The following FOXRED1 variants were observed in gnomAD, a reference collection of about 807,000 sequenced individuals.
The protein encoded by FOXRED1 is FAD dependent oxidoreductase domain containing 1.
FOXRED1 carries 52 observed loss-of-function variants against 57.8 expected under a neutral mutation model. The observed-to-expected ratio is 0.90, with a 90% CI of 0.72 to 1.13. FOXRED1 has a LOEUF of 1.13. Among genes scored for constraint, FOXRED1 ranks in the 50% most tolerant of loss-of-function variants. FOXRED1 has a pLI of 0.00. For missense variants in FOXRED1, 589 were observed against 625.2 expected (o/e 0.94, Z 0.62); for synonymous variants, 271 against 248.3 (o/e 1.09, Z -0.86).
rs1327792326 is a variant in FOXRED1, at chr11:126,276,430, C to A, written c.1008C>A (p.Gly336=). Residue 336 remains glycine (G), a synonymous_variant, in exon 9 of 11, where the codon GGC becomes GGA. Transcript: ENST00000263578. ...VYVWHCPQGP[G]LETPLVADTS... ...TGTGGCACTGCCCCCAGGGACCAGG[C>A]CTAGAGACTCCGCTTGTTGCAGACA... 1 of 1,535,362 alleles carries A rather than the reference C, an allele frequency of 6.5e-7. No homozygotes were observed. Among genetic ancestry groups the A allele is most frequent in the South Asian group, 1.1e-5 (1 of 89,456 alleles).
rs1951020184 is a variant in FOXRED1 at position 126,272,597 on chromosome 11, T to C, written c.307-372T>C. On this transcript the variant is annotated intron_variant, in intron 2 of 10. Transcript: ENST00000263578. The surrounding 1 kb of genome is among the most constrained non-coding windows in gnomAD (Gnocchi z 4.6). The stretch of plus-strand genomic sequence containing the variant: ...ATGAGCCACCCACCCGGCTGGTTTT[T>C]ACACTTTAGGTGTTCCTGTTTGCAT... 7 of 328,152 alleles carry C rather than the reference T, an allele frequency of 2.1e-5. No individual in the cohort carries two copies. Among genetic ancestry groups the C allele is most frequent in the South Asian group, 1.7e-4 (6 of 36,050 alleles). 20.3% of individuals were successfully genotyped at this position (328,152 alleles called of 1,614,324 possible). A position where few individuals can be genotyped will look rare whatever the true frequency, so the allele number is the denominator to read the frequency against.
chr11:126,272,909 G>A lies in FOXRED1; in HGVS notation c.307-60G>A. 1 of 858,506 alleles carries A rather than the reference G, an allele frequency of 1.2e-6. No individual in the cohort carries two copies. Among genetic ancestry groups the A allele is most frequent in the Non-Finnish European group, 2.0e-6 (1 of 489,452 alleles). 53.2% of individuals were successfully genotyped at this position (858,506 alleles called of 1,614,324 possible). A position where few individuals can be genotyped will look rare whatever the true frequency, so the allele number is the denominator to read the frequency against. On this transcript the variant is annotated intron_variant, in intron 2 of 10. Coordinates refer to ENST00000263578, the MANE Select transcript of FOXRED1 (RefSeq NM_017547.4). The surrounding 1 kb of genome is among the most constrained non-coding windows in gnomAD (Gnocchi z 4.6). ...TGTATAGCTCGAAGCTTTCATTGCA[G>A]TATTCTAGTCACATGTGATAGGGTA... is the stretch of plus-strand genomic sequence containing the variant.
intron 8 of FOXRED1, 85 bp downstream of exon 8, chr11:126,276,304 T>TATGTG: frequency 2.3e-4 from 1 of 4,314 alleles, no homozygotes; most frequent in African/African-American, 6.5e-3. Flanking sequence ...TGTGTGTGTG[T>TATGTG]GTGTGTGTGT....
Position 126,272,937 on chromosome 11 carries a change from G to C in FOXRED1, c.307-32G>C, listed in dbSNP as rs753941444. 1 of 1,031,664 alleles carries C rather than the reference G, an allele frequency of 9.7e-7. No homozygotes were observed. The highest frequency in any genetic ancestry group is 1.6e-5 in the African/African-American group (1 of 64,118). The allele number at this position is 1,031,664 out of a possible 1,614,324, so 63.9% of individuals were successfully genotyped here. A position where few individuals can be genotyped will look rare whatever the true frequency, so the allele number is the denominator to read the frequency against. On this transcript the variant is annotated intron_variant, in intron 2 of 10. Transcript: ENST00000263578. This position sits in a 1 kb window ranked among gnomAD's most constrained non-coding sequence, Gnocchi z 4.6. ...TTCTAGTCACATGTGATAGGGTACT[G>C]GTCTACCTCAACTTTTCTTGTCTTT...
At position 126,273,588 on chromosome 11, in the gene FOXRED1, G is replaced by T. The variant is rs1410782047; in HGVS notation, c.536+134G>T. The stretch of plus-strand genomic sequence containing the variant: ...GTCTAGGACCTCAGTGTGTCAGGAA[G>T]AAAATACACAGACCTGCAATGCCCT... On this transcript the variant is annotated intron_variant, in intron 4 of 10. Transcript: ENST00000263578. The surrounding 1 kb of genome is among the most constrained non-coding windows in gnomAD (Gnocchi z 5.9). 4.1e-6 allele frequency: 3 copies of T among 724,670 alleles called. No homozygotes were observed. Among genetic ancestry groups the T allele is most frequent in the Non-Finnish European group, 7.6e-6 (3 of 396,298 alleles). The allele number at this position is 724,670 out of a possible 1,614,324, so 44.9% of individuals were successfully genotyped here.
chr11:126,273,724 G>C lies in FOXRED1; in HGVS notation c.536+270G>C. The C allele has an allele frequency of 2.1e-6, 1 of 474,690 alleles. No homozygotes were observed. The highest frequency in any genetic ancestry group is 2.1e-5 in the South Asian group (1 of 46,810). The allele number at this position is 474,690 out of a possible 1,614,324, so 29.4% of individuals were successfully genotyped here. ...CAGACCTAATAAACCAGAATCTCTA[G>C]GGAAGGAGCCCACAAATCTGGGTTT... On this transcript the variant is annotated intron_variant, in intron 4 of 10. Transcript: ENST00000263578. The surrounding 1 kb of genome is among the most constrained non-coding windows in gnomAD (Gnocchi z 5.9).
chr11:126,269,270 C>T lies in FOXRED1; in HGVS notation c.64C>T (p.Arg22Cys). 1 of 1,614,168 alleles carries T rather than the reference C, an allele frequency of 6.2e-7. No homozygotes were observed. Among genetic ancestry groups the T allele is most frequent in the Non-Finnish European group, 8.5e-7 (1 of 1,180,010 alleles). ...CCTCTTGACCCGGAGGCCAGGCACGCGCAGAGGAGGCTTTTCTCTGGGTAA... is the reference window on the plus strand; with the variant it reads ...CCTCTTGACCCGGAGGCCAGGCACGTGCAGAGGAGGCTTTTCTCTGGGTAA... ...RGLLTRRPGT[R>C]RGGFSLDWDG... The change falls in exon 1 of 11, where the codon CGC becomes TGC. Residue 22 changes from arginine (R) to cysteine (C), a missense_variant. Physicochemically the swap from Arg to Cys is radical, Grantham distance 180. Coordinates refer to ENST00000263578, the MANE Select transcript of FOXRED1 (RefSeq NM_017547.4).
rs1312828374 is a variant in FOXRED1 at position 126,272,693 on chromosome 11, C to G, written c.307-276C>G. 2 of 540,692 alleles carry G rather than the reference C, an allele frequency of 3.7e-6. No individual in the cohort carries two copies. Among genetic ancestry groups the G allele is most frequent in the Non-Finnish European group, 6.7e-6 (2 of 299,926 alleles). 33.5% of individuals were successfully genotyped at this position (540,692 alleles called of 1,614,324 possible). ...TTCATTTCCCAAATGGTAGGTCAAA[C>G]GTTAATCGCCTGCCCTTGGACTTCC... On this transcript the variant is annotated intron_variant, in intron 2 of 10. Transcript: ENST00000263578. This position sits in a 1 kb window ranked among gnomAD's most constrained non-coding sequence, Gnocchi z 4.6.
Position 126,277,081 on chromosome 11 carries a change from C to T in FOXRED1, c.1112C>T (p.Pro371Leu), listed in dbSNP as rs773871022. The T allele has an allele frequency of 5.9e-5, 95 of 1,611,094 alleles. No individual in the cohort carries two copies. Among genetic ancestry groups the T allele is most frequent in the East Asian group, 1.3e-4 (6 of 44,866 alleles). ...GGRSPTEQEE[P>L]DPANLEVDHD... ...CACCTCTCACTCCAGCAGGAAGAAC[C>T]GGACCCGGCGAACCTGGAAGTGGAC... is the stretch of plus-strand genomic sequence containing the variant. The change falls in exon 10 of 11, where the codon CCG (proline) becomes CTG (leucine). Residue 371 changes from proline (P) to leucine (L), a missense_variant. Physicochemically the swap from Pro to Leu is moderately conservative, Grantham distance 98. Coordinates refer to ENST00000263578, the MANE Select transcript of FOXRED1 (RefSeq NM_017547.4). This position sits in a 1 kb window ranked among gnomAD's most constrained non-coding sequence, Gnocchi z 6.8.
intron 1 of FOXRED1, 119 bp downstream of exon 1, chr11:126,269,410 A>C (rs1591543120): frequency 6.3e-7 from 1 of 1,579,748 alleles, no homozygotes; most frequent in African/African-American, 1.3e-5. Context: ...CGGCTTGGGG[A>C]AGGGGGTTAG....
At position 126,271,835 on chromosome 11, in the gene FOXRED1, A is replaced by G. The variant is rs572803188; in HGVS notation, c.306+178A>G. On this transcript the variant is annotated intron_variant, in intron 2 of 10. Transcript: ENST00000263578. The surrounding 1 kb of genome is among the most constrained non-coding windows in gnomAD (Gnocchi z 5.3). ...TTTTCCTAGGATCTTCCTCAGTCGA[A>G]CCAGGAAGCTTGGCAATAAGGTTTG... 34 of 642,502 alleles carry G rather than the reference A, an allele frequency of 5.3e-5. No homozygotes were observed. The highest frequency in any genetic ancestry group is 8.4e-5 in the Non-Finnish European group (30 of 355,194). 39.8% of individuals were successfully genotyped at this position (642,502 alleles called of 1,614,324 possible). A position where few individuals can be genotyped will look rare whatever the true frequency, so the allele number is the denominator to read the frequency against.
chr11:126,273,599 G>C lies in FOXRED1; in HGVS notation c.536+145G>C, dbSNP rs1051244681. ...CAGTGTGTCAGGAAGAAAATACACA[G>C]ACCTGCAATGCCCTGGGAGTGCTGT... On this transcript the variant is annotated intron_variant, in intron 4 of 10. Coordinates refer to ENST00000263578, the MANE Select transcript of FOXRED1 (RefSeq NM_017547.4). This position sits in a 1 kb window ranked among gnomAD's most constrained non-coding sequence, Gnocchi z 5.9. 1.4e-6 allele frequency: 1 copy of C among 703,834 alleles called. No individual in the cohort carries two copies. The highest frequency in any genetic ancestry group is 2.6e-6 in the Non-Finnish European group (1 of 383,840). The allele number at this position is 703,834 out of a possible 1,614,324, so 43.6% of individuals were successfully genotyped here. A position where few individuals can be genotyped will look rare whatever the true frequency, so the allele number is the denominator to read the frequency against.
At chr11:126,270,097 T>C (rs189615600) in intron 1 of FOXRED1, among the ~76,000 whole-genome samples, 2 of 151,976 alleles carry the variant, frequency 1.3e-5, no homozygotes, top group Non-Finnish European at 2.9e-5. Context: ...GAGATCAGCC[T>C]TGGAGGATGT....
rs1026895258 is a variant in FOXRED1, at chr11:126,272,656, C to G, written c.307-313C>G. On this transcript the variant is annotated intron_variant, in intron 2 of 10. Coordinates refer to ENST00000263578, the MANE Select transcript of FOXRED1 (RefSeq NM_017547.4). This position sits in a 1 kb window ranked among gnomAD's most constrained non-coding sequence, Gnocchi z 4.6. Reference sequence around the variant, plus strand: ...AGCCACGAGTCTTGCTACTTTACTTCAATCATAACCTTTCATTTCCCAAAT... The same window carrying G: ...AGCCACGAGTCTTGCTACTTTACTTGAATCATAACCTTTCATTTCCCAAAT... 2.2e-6 allele frequency: 1 copy of G among 445,260 alleles called. No individual in the cohort carries two copies. Among genetic ancestry groups the G allele is most frequent in the South Asian group, 2.2e-5 (1 of 45,652 alleles). 27.6% of individuals were successfully genotyped at this position (445,260 alleles called of 1,614,324 possible).
rs148346044 is a variant in FOXRED1 at position 126,271,475 on chromosome 11, A to C, written c.124A>C (p.Lys42Gln). Reference protein sequence around the residue: ...GKVSEIKKKIKSILPGRSCDL... With the variant: ...GKVSEIKKKIQSILPGRSCDL... ...GGTGTCTGAGATTAAGAAGAAGATC[A>C]AGTCGATCCTGCCTGGAAGGTCCTG... Residue 42 changes from lysine (K) to glutamine (Q), a missense_variant, in exon 2 of 11, where the codon AAG becomes CAG. Lys to Gln is a moderately conservative substitution (Grantham distance 53, BLOSUM62 1). Transcript: ENST00000263578. This position sits in a 1 kb window ranked among gnomAD's most constrained non-coding sequence, Gnocchi z 5.3. 6,789 of 1,614,136 alleles carry C rather than the reference A, an allele frequency of 4.2e-3. 22 individuals are homozygous for C. The highest frequency in any genetic ancestry group is 5.2e-3 in the Non-Finnish European group (6,169 of 1,179,946).
Position 126,275,840 on chromosome 11 carries a change from G to A in FOXRED1, c.780G>A (p.Ala260=), listed in dbSNP as rs779592935. 1.8e-5 allele frequency: 29 copies of A among 1,612,626 alleles called. No individual in the cohort carries two copies. The highest frequency in any genetic ancestry group is 4.5e-5 in the East Asian group (2 of 44,894). The change falls in exon 7 of 11, where the codon GCG becomes GCA. Residue 260 remains alanine (A), a synonymous_variant. Coordinates refer to ENST00000263578, the MANE Select transcript of FOXRED1 (RefSeq NM_017547.4). This position sits in a 1 kb window ranked among gnomAD's most constrained non-coding sequence, Gnocchi z 5.9. ...SQRMLTTDDK[A]VVLKRIHEVH... ...GCATGTTGACCACAGATGACAAAGC[G>A]GTGGTCTTGAAAAGGATCCATGAAG...
Position 126,275,132 on chromosome 11 carries a change from C to T in FOXRED1, c.631+111C>T, listed in dbSNP as rs1951093784. ...AGCCAAGCTGAAGGAGGAACACTTC[C>T]CTCCTGTGTCACGGGAACTGCCCTG... On this transcript the variant is annotated intron_variant, in intron 5 of 10. Transcript: ENST00000263578. This position sits in a 1 kb window ranked among gnomAD's most constrained non-coding sequence, Gnocchi z 5.9. 6 of 842,796 alleles carry T rather than the reference C, an allele frequency of 7.1e-6. No homozygotes were observed. The Admixed American group carries it at 9.7e-5, about 14-fold the overall frequency. The allele number at this position is 842,796 out of a possible 1,614,324, so 52.2% of individuals were successfully genotyped here. A position where few individuals can be genotyped will look rare whatever the true frequency, so the allele number is the denominator to read the frequency against.
At position 126,277,528 on chromosome 11, in the gene FOXRED1, G is replaced by T; in HGVS notation, c.1300G>T (p.Ala434Ser). Reference protein sequence around the residue: ...PHPLVVNMYFATGFSGHGLQQ... With the variant: ...PHPLVVNMYFSTGFSGHGLQQ... ...CCCGCTAGTTGTCAACATGTACTTT[G>T]CTACTGGCTTCAGTGGTCACGGGCT... is the stretch of plus-strand genomic sequence containing the variant. The change falls in exon 11 of 11, where the codon GCT becomes TCT. Residue 434 changes from alanine (A) to serine (S), a missense_variant. Ala to Ser is a moderately conservative substitution (Grantham distance 99, BLOSUM62 1). Transcript: ENST00000263578. This position sits in a 1 kb window ranked among gnomAD's most constrained non-coding sequence, Gnocchi z 6.8. 10 of 1,613,770 alleles carry T rather than the reference G, an allele frequency of 6.2e-6. No homozygotes were observed. Among genetic ancestry groups the T allele is most frequent in the Non-Finnish European group, 8.5e-6 (10 of 1,180,026 alleles).
At position 126,271,515 on chromosome 11, in the gene FOXRED1, A is replaced by T; in HGVS notation, c.164A>T (p.Asp55Val). ...LPGRSCDLLQ[D>V]TSHLPPEHSD... Reference sequence around the variant, plus strand: ...GGAAGGTCCTGTGATCTACTGCAAGACACCAGCCACCTGCCTCCCGAGCAC... The same window carrying T: ...GGAAGGTCCTGTGATCTACTGCAAGTCACCAGCCACCTGCCTCCCGAGCAC... Residue 55 changes from aspartate to valine, a missense_variant, in exon 2 of 11, where the codon GAC becomes GTC. Coordinates refer to ENST00000263578, the MANE Select transcript of FOXRED1 (RefSeq NM_017547.4). The surrounding 1 kb of genome is among the most constrained non-coding windows in gnomAD (Gnocchi z 5.3). The T allele has an allele frequency of 6.2e-7, 1 of 1,614,200 alleles. No individual in the cohort carries two copies. Among genetic ancestry groups the T allele is most frequent in the African/African-American group, 1.3e-5 (1 of 75,050 alleles).
Sources: gnomAD v4.1 joint callset for allele counts (sites outside exome capture counted in the v4.1 genomes callset) on GRCh38, gnomAD v4.1.1 for gene constraint, Gnocchi (gnomAD v3.1) non-coding constraint, MANE v1.5 for transcripts, NCBI Gene and HGNC (gene_info 2026-07-23, HGNC 2026-07-21) for gene names.